The following STARD13 variants were observed in gnomAD, a reference collection of about 807,000 sequenced individuals.
STARD13 encodes the protein stAR-related lipid transfer protein 13.
Under a neutral mutation model 106.4 loss-of-function variants are expected in STARD13, and 62 were observed. The ratio of observed to expected loss-of-function variants is 0.58; its 90% CI spans 0.48 to 0.72. The LOEUF (loss-of-function observed/expected upper bound fraction) is 0.72. STARD13 is among the 30% of genes least tolerant of loss of function. The pLI, the probability that STARD13 is intolerant of heterozygous loss-of-function variation, is 0.00. For missense variants in STARD13, 1,387 were observed against 1,424.0 expected (o/e 0.97, Z 0.42); for synonymous variants, 565 against 553.0 (o/e 1.02, Z -0.31).
the STARD13 span, among the ~76,000 whole-genome samples, chr13:33,515,985 T>C: frequency 6.6e-6 from 1 of 151,958 alleles, no homozygotes; most frequent in South Asian, 2.1e-4. Flanking sequence ...ACAGTATATA[T>C]AGCCTTTCGT....
chr13:33,264,151 G>T (rs1164971846), intron 1 of STARD13, among the ~76,000 whole-genome samples: 1 of 152,166 alleles, frequency 6.6e-6, no homozygotes, highest in African/African-American at 2.4e-5. Flanking sequence ...CCAAGGCTTC[G>T]GATGTTCCTG....
chr13:33,654,258 A>T, the STARD13 span, among the ~76,000 whole-genome samples: 1 of 152,232 alleles, frequency 6.6e-6, no homozygotes, highest in Admixed American at 6.5e-5. Context: ...TGATGAATTG[A>T]CAAATAGAAT....
chr13:33,317,172 T>C (rs1205090559), intron 1 of STARD13, among the ~76,000 whole-genome samples: 1 of 152,146 alleles, frequency 6.6e-6, no homozygotes, highest in Non-Finnish European at 1.5e-5. Context: ...AAATATATCC[T>C]GGTCATTCTA....
chr13:33,387,361 T>C, the STARD13 span, among the ~76,000 whole-genome samples: 1 of 152,084 alleles, frequency 6.6e-6, no homozygotes. Flanking sequence ...ACTAAAGTGG[T>C]TGTGCTTTAT....
the STARD13 span, among the ~76,000 whole-genome samples, chr13:33,368,788 C>T: frequency 9.9e-5 from 15 of 152,208 alleles, no homozygotes; most frequent in South Asian, 4.2e-4. Context: ...GAGCAGCACT[C>T]GGAGGAGCCG....
chr13:33,546,434 G>T, the STARD13 span, among the ~76,000 whole-genome samples: 47 of 151,852 alleles, frequency 3.1e-4, no homozygotes, highest in African/African-American at 1.0e-3. Flanking sequence ...ACTAACTATT[G>T]GGCCAGTTTT....
At chr13:33,342,042 C>T (rs1391282079) in intron 1 of STARD13, among the ~76,000 whole-genome samples, 1 of 152,176 alleles carries the variant, frequency 6.6e-6, no homozygotes, top group Non-Finnish European at 1.5e-5. Context: ...CTGCCCGCCA[C>T]GGACAGCTTC....
At chr13:33,643,161 A>G in the STARD13 span, among the ~76,000 whole-genome samples, 17 of 105,018 alleles carry the variant, frequency 1.6e-4, no homozygotes, top group Admixed American at 8.2e-4. Context: ...TAGAACATGC[A>G]CACACACACA....
the STARD13 span, among the ~76,000 whole-genome samples, chr13:33,675,082 C>T: frequency 6.6e-6 from 1 of 152,210 alleles, no homozygotes; most frequent in African/African-American, 2.4e-5. Flanking sequence ...TAGGAACCTT[C>T]ACCTTTCGGC....
chr13:33,386,779 C>T, the STARD13 span, among the ~76,000 whole-genome samples: 10 of 152,190 alleles, frequency 6.6e-5, no homozygotes, highest in African/African-American at 2.2e-4. Context: ...GCACTGGAAT[C>T]CTGGGGGCCC....
At chr13:33,354,493 T>C (rs960553129), upstream of STARD13, among the ~76,000 whole-genome samples, 7 of 152,248 alleles carry the variant, frequency 4.6e-5, no homozygotes, top group Admixed American at 2.0e-4. Flanking sequence ...TCAGTGTCCT[T>C]ACCTGTTTCT....
At chr13:33,656,870 G>A in the STARD13 span, 4 of 152,354 alleles carry the variant, frequency 2.6e-5, no homozygotes, top group East Asian at 5.8e-4. Context: ...CCCAGGTACT[G>A]TCAGTAGAGC....
chr13:33,343,516 T>C (rs2077983206), intron 1 of STARD13, among the ~76,000 whole-genome samples: 1 of 133,762 alleles, frequency 7.5e-6, no homozygotes, highest in Admixed American at 8.8e-5. Flanking sequence ...AGGTTGAGGC[T>C]GCACTGAGCC....
chr13:33,230,079 G>A (rs968678905), intron 1 of STARD13, among the ~76,000 whole-genome samples: 2 of 152,188 alleles, frequency 1.3e-5, no homozygotes, highest in South Asian at 2.1e-4. Context: ...GCCTGGAAGC[G>A]AATTTGCAAT....
chr13:33,284,670 T>C (rs191590579), intron 1 of STARD13, among the ~76,000 whole-genome samples: 1 of 152,274 alleles, frequency 6.6e-6, no homozygotes, highest in Non-Finnish European at 1.5e-5. Flanking sequence ...AGGGGCTTCT[T>C]AGGAATGTTC....
At chr13:33,213,620 G>T (rs1372462240) in intron 1 of STARD13, among the ~76,000 whole-genome samples, 3 of 152,208 alleles carry the variant, frequency 2.0e-5, no homozygotes, top group African/African-American at 7.2e-5. Context: ...CAACAGTGAG[G>T]CAGAAAGCAT....
At chr13:33,439,533 T>C in the STARD13 span, among the ~76,000 whole-genome samples, 1 of 152,242 alleles carries the variant, frequency 6.6e-6, no homozygotes, top group Admixed American at 6.5e-5. Flanking sequence ...ATTTTCAAAA[T>C]GCAGGTCAAA....
At chr13:33,393,349 C>A in the STARD13 span, among the ~76,000 whole-genome samples, 1 of 152,164 alleles carries the variant, frequency 6.6e-6, no homozygotes, top group Non-Finnish European at 1.5e-5. Flanking sequence ...AATGAATTGA[C>A]TAGCATAGCT....
At chr13:33,190,818 T>C (rs1402120989) in intron 1 of STARD13, among the ~76,000 whole-genome samples, 4 of 152,074 alleles carry the variant, frequency 2.6e-5, no homozygotes, top group South Asian at 2.1e-4. Context: ...ACTCCTGACC[T>C]TGTGATCCAC....
Sources: gnomAD v4.1 joint callset for allele counts (sites outside exome capture counted in the v4.1 genomes callset) on GRCh38, gnomAD v4.1.1 for gene constraint, MANE v1.5 for transcripts, NCBI Gene and HGNC (gene_info 2026-07-23, HGNC 2026-07-21) for gene names.